Variants in NEXMIF observed in about 807,000 individuals in gnomAD.
The protein encoded by NEXMIF is XLMR protein related to neurite extension.
NEXMIF carries 8 observed loss-of-function variants against 62.1 expected under a neutral mutation model. The observed-to-expected ratio is 0.13, with a 90% confidence interval of 0.08 to 0.23. The LOEUF (loss-of-function observed/expected upper bound fraction) is 0.23. Ranked by LOEUF, NEXMIF falls within the 10% of genes least tolerant of loss-of-function variation. The pLI, the probability that NEXMIF is intolerant of heterozygous loss-of-function variation, is 1.00. For missense variants in NEXMIF, 976 were observed against 1,113.3 expected (o/e 0.88, Z 1.75); for synonymous variants, 404 against 416.6 (o/e 0.97, Z 0.37).
intron 1 of NEXMIF, among the ~76,000 whole-genome samples, chrX:74,924,520 G>C (rs1167830520): frequency 2.7e-5 from 3 of 113,201 alleles, no homozygotes; most frequent in Non-Finnish European, 5.6e-5. Context: ...TCCCTGGCCA[G>C]GCTCTACCCT....
At chrX:74,893,829 C>A (rs1306113849) in intron 1 of NEXMIF, among the ~76,000 whole-genome samples, 1 of 112,029 alleles carries the variant, frequency 8.9e-6, no homozygotes, top group Non-Finnish European at 1.9e-5. Context: ...GGAGTCATGA[C>A]CTGGCTTTCC....
intron 1 of NEXMIF, among the ~76,000 whole-genome samples, chrX:74,798,074 C>T: frequency 8.9e-6 from 1 of 112,140 alleles, no homozygotes; most frequent in Non-Finnish European, 1.9e-5. Context: ...GCCACACTGG[C>T]TAAGCAAGGA....
At chrX:74,874,266 T>C (rs1158960560) in intron 1 of NEXMIF, among the ~76,000 whole-genome samples, 1 of 107,815 alleles carries the variant, frequency 9.3e-6, no homozygotes, top group African/African-American at 3.4e-5. Context: ...TCCCCATTTC[T>C]TGTTTTTCTC....
At chrX:74,848,945 CTGA>C (rs1343355939) in intron 1 of NEXMIF, among the ~76,000 whole-genome samples, 1 of 112,157 alleles carries the variant, frequency 8.9e-6, no homozygotes, top group Non-Finnish European at 1.9e-5. Flanking sequence ...ACCGAATCTA[CTGA>C]TTTCTTGATC....
rs1479401063 is a variant in NEXMIF at position 74,733,254 on chromosome X, G to A, written c.*6151C>T. 8.9e-6 allele frequency: 1 copy of A among 112,188 alleles called. No individual in the cohort carries two copies. The highest frequency in any genetic ancestry group is 1.9e-5 in the Non-Finnish European group (1 of 53,231). The allele number at this position is 112,188 out of a possible 1,213,427, so 9.2% of individuals were successfully genotyped here. A position where few individuals can be genotyped will look rare whatever the true frequency, so the allele number is the denominator to read the frequency against. Reference sequence around the variant, plus strand: ...CAATTTGACATTGATGAGTGGACTTGTCTCAAACAGGGTACCAACTTTTTG... The same window carrying A: ...CAATTTGACATTGATGAGTGGACTTATCTCAAACAGGGTACCAACTTTTTG... On this transcript the variant is annotated 3_prime_UTR_variant, in exon 4 of 4. Coordinates refer to ENST00000055682, the MANE Select transcript of NEXMIF (RefSeq NM_001008537.3).
At chrX:74,844,717 C>T (rs143046135) in intron 1 of NEXMIF, among the ~76,000 whole-genome samples, 1 of 112,034 alleles carries the variant, frequency 8.9e-6, no homozygotes, top group East Asian at 2.8e-4. Flanking sequence ...TTTAACTGTA[C>T]CATAACTGCA....
At chrX:74,748,587 T>C (rs1401506419) in intron 1 of NEXMIF, among the ~76,000 whole-genome samples, 1 of 112,294 alleles carries the variant, frequency 8.9e-6, no homozygotes, top group African/African-American at 3.2e-5. Context: ...GTACAACAAA[T>C]TGCTTTGCTG....
intron 1 of NEXMIF, among the ~76,000 whole-genome samples, chrX:74,866,103 A>G (rs2080578240): frequency 8.9e-6 from 1 of 111,781 alleles, no homozygotes; most frequent in South Asian, 3.8e-4. Flanking sequence ...GAAATGCCAC[A>G]GAAACTCAAA....
rs745821546 is a variant in NEXMIF at position 74,775,118 on chromosome X, C to T, written c.-47-29421G>A. ...CACATCAGCTAATGGATAAGCAGAC[C>T]CAAGTTGTTTTTATTCCTTGCTTCC... On this transcript the variant is annotated intron_variant, in intron 1 of 3. Transcript: ENST00000055682. Among the ~76,000 whole-genome samples the T allele has an allele frequency of 5.4e-5, 6 of 111,246 alleles. No individual in the cohort carries two copies. The South Asian group carries it at 2.3e-3, about 43-fold the overall frequency.
At chrX:74,915,351 A>G (rs1282039500) in intron 1 of NEXMIF, among the ~76,000 whole-genome samples, 1 of 112,290 alleles carries the variant, frequency 8.9e-6, no homozygotes. Flanking sequence ...TATTATGCAA[A>G]ATGTAACCAT....
chrX:74,772,762 G>A (rs2080214332), intron 1 of NEXMIF, among the ~76,000 whole-genome samples: 1 of 112,147 alleles, frequency 8.9e-6, no homozygotes, highest in African/African-American at 3.2e-5. Flanking sequence ...TAGTCATTAA[G>A]GCTTTTACTT....
intron 1 of NEXMIF, among the ~76,000 whole-genome samples, chrX:74,789,182 T>A (rs1232628380): frequency 2.1e-5 from 2 of 95,303 alleles, no homozygotes; most frequent in African/African-American, 7.8e-5. Context: ...TGTCCATGTG[T>A]TCTCATTGTT....
chrX:74,740,814 G>A lies in NEXMIF; in HGVS notation c.3743C>T (p.Thr1248Ile). The A allele has an allele frequency of 8.3e-7, 1 of 1,211,951 alleles. No homozygotes were observed. Among genetic ancestry groups the A allele is most frequent in the Non-Finnish European group, 1.1e-6 (1 of 895,439 alleles). Residue 1248 changes from threonine to isoleucine, a missense_variant, in exon 3 of 4, where the codon ACC (threonine) becomes ATC (isoleucine). Around this residue, in one of 5 missense-constraint regions of NEXMIF, gnomAD observed 639 missense variants for 694.5 expected, o/e 0.92. Transcript: ENST00000055682. ...CTTCCCAGTGGAGGATATGGTGTTG[G>A]TTTGGCTTCCCCCACGGCCAATGCC... ...QIGIGRGGSQ[T>I]NTISSTGKTL...
chrX:74,878,266 C>T (rs754993002), intron 1 of NEXMIF, among the ~76,000 whole-genome samples: 2 of 111,903 alleles, frequency 1.8e-5, no homozygotes, highest in East Asian at 5.6e-4. Context: ...TATGAGTCTG[C>T]CCCTGCTCGG....
chrX:74,826,439 T>C (rs1008543631), intron 1 of NEXMIF, among the ~76,000 whole-genome samples: 12 of 112,097 alleles, frequency 1.1e-4, no homozygotes, highest in African/African-American at 3.9e-4. Context: ...GCATTGTTTC[T>C]TGTCCATTTT....
intron 1 of NEXMIF, among the ~76,000 whole-genome samples, chrX:74,826,868 C>G (rs1265404989): frequency 3.6e-5 from 4 of 111,395 alleles, no homozygotes; most frequent in Non-Finnish European, 7.5e-5. Context: ...TGTTATGATT[C>G]TAATATTAAA....
At chrX:74,903,020 A>C (rs1278121167) in intron 1 of NEXMIF, among the ~76,000 whole-genome samples, 1 of 111,053 alleles carries the variant, frequency 9.0e-6, no homozygotes, top group Non-Finnish European at 1.9e-5. Flanking sequence ...CTTTGCAGGA[A>C]GGAGGGAAAA....
chrX:74,743,583 G>T lies in NEXMIF; in HGVS notation c.974C>A (p.Thr325Asn). Reference sequence around the variant, plus strand: ...GGCATCTTCCTGCATCAAAAGAGTAGTCTTGTCTCGAACATTGTCCTGAAA... The same window carrying T: ...GGCATCTTCCTGCATCAAAAGAGTATTCTTGTCTCGAACATTGTCCTGAAA... ...ESFQDNVRDK[T>N]TLLMQEDAQF... is the part of the protein sequence containing the mutation. The change falls in exon 3 of 4, where the codon ACT becomes AAT. Residue 325 changes from threonine to asparagine, a missense_variant. Thr to Asn is a moderately conservative substitution (Grantham distance 65). Around this residue, in one of 5 missense-constraint regions of NEXMIF, gnomAD observed 639 missense variants for 694.5 expected, o/e 0.92. Coordinates refer to ENST00000055682, the MANE Select transcript of NEXMIF (RefSeq NM_001008537.3). 1.7e-6 allele frequency: 2 copies of T among 1,211,487 alleles called. No individual in the cohort carries two copies. Among genetic ancestry groups the T allele is most frequent in the Non-Finnish European group, 2.2e-6 (2 of 895,428 alleles).
At position 74,733,651 on chromosome X, in the gene NEXMIF, A is replaced by G. The variant is rs1465623775; in HGVS notation, c.*5754T>C. The G allele has an allele frequency of 1.8e-5, 2 of 112,726 alleles. No individual in the cohort carries two copies. Among genetic ancestry groups the G allele is most frequent in the Admixed American group, 1.9e-4 (2 of 10,538 alleles). 9.3% of individuals were successfully genotyped at this position (112,726 alleles called of 1,213,427 possible). A position where few individuals can be genotyped will look rare whatever the true frequency, so the allele number is the denominator to read the frequency against. On this transcript the variant is annotated 3_prime_UTR_variant, in exon 4 of 4. Coordinates refer to ENST00000055682, the MANE Select transcript of NEXMIF (RefSeq NM_001008537.3). Reference sequence around the variant, plus strand: ...TAACATTATGACAGTTTCACCGTACATTCAGTCACAAATATTTGAAACCTT... The same window carrying G: ...TAACATTATGACAGTTTCACCGTACGTTCAGTCACAAATATTTGAAACCTT...
Sources: gnomAD v4.1 joint callset for allele counts (sites outside exome capture counted in the v4.1 genomes callset) on GRCh38, gnomAD v4.1.1 for gene constraint, gnomAD v4.1.1 regional missense constraint, MANE v1.5 for transcripts, NCBI Gene and HGNC (gene_info 2026-07-23, HGNC 2026-07-21) for gene names.